The following GLIS3 variants were observed in gnomAD, a reference collection of about 807,000 sequenced individuals.
GLIS3 encodes the protein GLIS family zinc finger 3.
Under a neutral mutation model 78.6 loss-of-function variants are expected in GLIS3, and 53 were observed. The ratio of observed to expected loss-of-function variants is 0.67; its 90% CI spans 0.54 to 0.85. The LOEUF (loss-of-function observed/expected upper bound fraction) is 0.85. Ranked by LOEUF, GLIS3 falls within the 40% of genes least tolerant of loss-of-function variation. The pLI, the probability that GLIS3 is intolerant of heterozygous loss-of-function variation, is 0.00. For synonymous variants in GLIS3, 684 were observed against 509.9 expected (o/e 1.34, Z -4.60); for missense variants, 1,703 against 1,231.1 (o/e 1.38, Z -5.74).
chr9:4,085,118 T>C (rs910726618), intron 4 of GLIS3, among the ~76,000 whole-genome samples: 1 of 152,070 alleles, frequency 6.6e-6, no homozygotes, highest in Non-Finnish European at 1.5e-5. Flanking sequence ...TAAAAAGCTC[T>C]CTCTCAATCT....
the GLIS3 span, among the ~76,000 whole-genome samples, chr9:4,447,490 T>C: frequency 6.6e-6 from 1 of 152,200 alleles, no homozygotes; most frequent in Non-Finnish European, 1.5e-5. Flanking sequence ...TCACAATGTC[T>C]TGCATGTCTT....
At chr9:3,919,356 G>A (rs1393407485) in intron 6 of GLIS3, among the ~76,000 whole-genome samples, 1 of 152,144 alleles carries the variant, frequency 6.6e-6, no homozygotes, top group African/African-American at 2.4e-5. Context: ...GTCATTTAAC[G>A]TCTCTGAACC....
At chr9:4,073,543 T>A (rs921420850) in intron 4 of GLIS3, among the ~76,000 whole-genome samples, 1 of 152,152 alleles carries the variant, frequency 6.6e-6, no homozygotes, top group African/African-American at 2.4e-5. Context: ...TAGGCAAAGC[T>A]AGCTAAGAAA....
At chr9:3,973,598 C>T (rs962885652) in intron 4 of GLIS3, among the ~76,000 whole-genome samples, 1 of 152,174 alleles carries the variant, frequency 6.6e-6, no homozygotes, top group South Asian at 2.1e-4. Context: ...TATTACTAAT[C>T]GTGCTAATCC....
intron 2 of GLIS3, among the ~76,000 whole-genome samples, chr9:4,159,625 A>G (rs1835321587): frequency 6.6e-6 from 1 of 152,118 alleles, no homozygotes; most frequent in African/African-American, 2.4e-5. Context: ...AGGCTGAGGC[A>G]GGGAAATTGC....
At position 3,830,886 on chromosome 9, in the gene GLIS3, T is replaced by C. The variant is rs111312551; in HGVS notation, c.2474-1394A>G. ...CAACCTACTATGCTCTCAACCCTTC[T>C]CATTTCCCATTAGGACCCACAATGT... On this transcript the variant is annotated intron_variant, in intron 9 of 10. Coordinates refer to ENST00000381971, the MANE Select transcript of GLIS3 (RefSeq NM_001042413.2). Among the ~76,000 whole-genome samples the C allele has an allele frequency of 3.3e-3, 499 of 152,340 alleles. 3 individuals carry two copies. Among genetic ancestry groups the C allele is most frequent in the African/African-American group, 0.012 (481 of 41,574 alleles).
At chr9:4,459,417 C>A in the GLIS3 span, among the ~76,000 whole-genome samples, 11 of 152,106 alleles carry the variant, frequency 7.2e-5, no homozygotes, top group African/African-American at 2.7e-4. Flanking sequence ...AAAGGAATAG[C>A]CAGTGAGGTA....
At chr9:4,216,129 C>G (rs566739855) in intron 2 of GLIS3, among the ~76,000 whole-genome samples, 2 of 151,808 alleles carry the variant, frequency 1.3e-5, no homozygotes, top group African/African-American at 4.8e-5. Flanking sequence ...TAAATAGATG[C>G]CAGGGTAGTT....
At chr9:3,872,031 A>G (rs962972018) in intron 8 of GLIS3, among the ~76,000 whole-genome samples, 3 of 152,180 alleles carry the variant, frequency 2.0e-5, no homozygotes, top group African/African-American at 7.2e-5. Flanking sequence ...TAGATACCCT[A>G]AATCAGCTCT....
intron 8 of GLIS3, among the ~76,000 whole-genome samples, chr9:3,869,440 T>C (rs1820833075): frequency 6.6e-6 from 1 of 152,214 alleles, no homozygotes; most frequent in African/African-American, 2.4e-5. Context: ...CAGGCACTAG[T>C]ATTCAAGATT....
chr9:4,287,987 C>T (rs533698756), intron 1 of GLIS3, among the ~76,000 whole-genome samples: 2 of 152,192 alleles, frequency 1.3e-5, no homozygotes, highest in South Asian at 4.1e-4. Context: ...TACTATCATG[C>T]CATCTAGTTC....
chr9:4,161,293 A>C (rs960748256), intron 2 of GLIS3, among the ~76,000 whole-genome samples: 2 of 152,120 alleles, frequency 1.3e-5, no homozygotes, highest in Non-Finnish European at 2.9e-5. Context: ...AACAAATAAG[A>C]ATCTTAAAAA....
chr9:3,911,090 T>C (rs1463442338), intron 6 of GLIS3, among the ~76,000 whole-genome samples: 1 of 152,018 alleles, frequency 6.6e-6, no homozygotes, highest in African/African-American at 2.4e-5. Context: ...AAAATCCATC[T>C]TCCTTCCTTT....
At chr9:4,315,641 G>A (rs1817424762) in intron 2 of GLIS3, among the ~76,000 whole-genome samples, 1 of 152,054 alleles carries the variant, frequency 6.6e-6, no homozygotes. Flanking sequence ...ACTTTGTGTG[G>A]CTACATTCTC....
chr9:4,057,078 T>A (rs11793467), intron 4 of GLIS3, among the ~76,000 whole-genome samples: 41,239 of 151,748 alleles, frequency 0.27, 6,372 homozygotes, highest in East Asian at 0.39. Context: ...TTTCATCTCA[T>A]TCAAGACCAC....
intron 2 of GLIS3, among the ~76,000 whole-genome samples, chr9:4,318,143 G>C (rs1288313469): frequency 1.3e-5 from 2 of 151,944 alleles, no homozygotes; most frequent in African/African-American, 4.9e-5. Context: ...GTATTCTTGG[G>C]AGCCAGGGTC....
chr9:3,978,377 G>A (rs575281590), intron 4 of GLIS3, among the ~76,000 whole-genome samples: 42 of 152,046 alleles, frequency 2.8e-4, no homozygotes, highest in African/African-American at 1.0e-3. Context: ...ACACTTTGAT[G>A]GGAATATGTG....
At chr9:4,294,669 T>C (rs1244910024) in intron 1 of GLIS3, among the ~76,000 whole-genome samples, 4 of 151,702 alleles carry the variant, frequency 2.6e-5, no homozygotes, top group Non-Finnish European at 4.4e-5. Context: ...TTTGCCTGTG[T>C]TTCACTTTCC....
the GLIS3 span, among the ~76,000 whole-genome samples, chr9:4,397,775 G>C: frequency 1.4e-5 from 2 of 148,004 alleles, no homozygotes; most frequent in Non-Finnish European, 3.0e-5. Context: ...GGAAAGGAGA[G>C]GAGGGGAGGG....
Sources: gnomAD v4.1 joint callset for allele counts (sites outside exome capture counted in the v4.1 genomes callset) on GRCh38, gnomAD v4.1.1 for gene constraint, MANE v1.5 for transcripts, NCBI Gene and HGNC (gene_info 2026-07-23, HGNC 2026-07-21) for gene names.